Variants in MTMR7 observed in about 807,000 individuals in gnomAD.
MTMR7 encodes the protein phosphatidylinositol-3-phosphate phosphatase MTMR7.
Under a neutral mutation model 81.2 loss-of-function variants are expected in MTMR7, and 76 were observed. That is an observed-to-expected ratio of 0.94 (90% confidence interval 0.78 to 1.13). MTMR7 has a LOEUF of 1.13. MTMR7 is among the 50% of genes most tolerant of loss of function. The pLI is 0.00. For synonymous variants in MTMR7, 372 were observed against 289.8 expected (o/e 1.28, Z -2.88); for missense variants, 1,044 against 820.0 (o/e 1.27, Z -3.34).
intron 7 of MTMR7, among the ~76,000 whole-genome samples, chr8:17,325,319 C>G (rs1186118377): frequency 6.6e-6 from 1 of 152,158 alleles, no homozygotes. Context: ...TGCTCTGCCT[C>G]CAACCATCCT....
chr8:17,383,106 G>A (rs1820813807), intron 1 of MTMR7, among the ~76,000 whole-genome samples: 1 of 151,994 alleles, frequency 6.6e-6, no homozygotes, highest in Admixed American at 6.6e-5. Flanking sequence ...AGGTCCCAGG[G>A]AAGGGAGCCG....
chr8:17,373,727 G>A (rs192158504), intron 1 of MTMR7, among the ~76,000 whole-genome samples: 2 of 152,116 alleles, frequency 1.3e-5, no homozygotes, highest in Non-Finnish European at 2.9e-5. Context: ...ACATACATAC[G>A]GGAGAAAAAA....
In MTMR7 at chr8:17,341,446, G is replaced by T. The variant is rs774508309; in HGVS notation, c.649C>A (p.Leu217Ile). The T allele has an allele frequency of 6.2e-7, 1 of 1,614,004 alleles. No homozygotes were observed. The highest frequency in any genetic ancestry group is 1.3e-5 in the African/African-American group (1 of 74,922). Residue 217 changes from leucine (L) to isoleucine (I), a missense_variant, in exon 6 of 14, where the codon CTA becomes ATA. Transcript: ENST00000180173. ...GCCTGGAGCATCTGCTCGTCCTCTA[G>T]GCACCGGGCACTGAAGCCGGACAGG... ...QPLSGFSARCLEDEQMLQAIR... is the reference protein window; with the variant it reads ...QPLSGFSARCIEDEQMLQAIR...
At chr8:17,367,344 G>A (rs1167082175) in intron 3 of MTMR7, among the ~76,000 whole-genome samples, 2 of 152,162 alleles carry the variant, frequency 1.3e-5, no homozygotes, top group Admixed American at 1.3e-4. Context: ...AAAATAAACA[G>A]CAGGAGGCAA....
At chr8:17,323,799 C>G (rs181432786) in intron 7 of MTMR7, among the ~76,000 whole-genome samples, 2 of 152,270 alleles carry the variant, frequency 1.3e-5, no homozygotes, top group East Asian at 3.9e-4. Context: ...CCTTTTATCA[C>G]TAACATTAGC....
intron 1 of MTMR7, among the ~76,000 whole-genome samples, chr8:17,394,264 T>C (rs1821186012): frequency 6.6e-6 from 1 of 152,238 alleles, no homozygotes; most frequent in African/African-American, 2.4e-5. Flanking sequence ...ATAGCAGCAC[T>C]ATTCCCAATA....
At chr8:17,393,645 C>T (rs997924047) in intron 1 of MTMR7, among the ~76,000 whole-genome samples, 3 of 151,994 alleles carry the variant, frequency 2.0e-5, no homozygotes, top group Non-Finnish European at 4.4e-5. Context: ...GGAAGCTGAA[C>T]GATGAGAACA....
At chr8:17,345,454 G>A (rs1021007416) in intron 5 of MTMR7, among the ~76,000 whole-genome samples, 3 of 152,196 alleles carry the variant, frequency 2.0e-5, no homozygotes, top group African/African-American at 7.2e-5. Flanking sequence ...GCTCCTCAGC[G>A]CAACCTCATG....
At chr8:17,309,579 C>T (rs1205620748) in intron 9 of MTMR7, among the ~76,000 whole-genome samples, 2 of 152,148 alleles carry the variant, frequency 1.3e-5, no homozygotes, top group Admixed American at 6.5e-5. Flanking sequence ...TGAATGCTTC[C>T]TATGTGCCAG....
chr8:17,386,784 G>A (rs1820956003), intron 1 of MTMR7, among the ~76,000 whole-genome samples: 1 of 152,210 alleles, frequency 6.6e-6, no homozygotes, highest in Non-Finnish European at 1.5e-5. Flanking sequence ...CATTCAGTGT[G>A]GTCATGAAAT....
intron 6 of MTMR7, among the ~76,000 whole-genome samples, chr8:17,340,818 T>C (rs980646803): frequency 6.6e-5 from 10 of 152,174 alleles, no homozygotes; most frequent in Non-Finnish European, 1.5e-4. Context: ...ATTTTTAGAG[T>C]TCAGGGTTTA....
intron 3 of MTMR7, among the ~76,000 whole-genome samples, chr8:17,362,209 T>C (rs1472966458): frequency 6.6e-6 from 1 of 152,230 alleles, no homozygotes; most frequent in Non-Finnish European, 1.5e-5. Flanking sequence ...AAAATCATTA[T>C]CACTTCAACA....
chr8:17,348,669 G>A (rs369645287), intron 5 of MTMR7, among the ~76,000 whole-genome samples: 4 of 152,086 alleles, frequency 2.6e-5, no homozygotes, highest in Admixed American at 6.5e-5. Flanking sequence ...TTCCCAAGGT[G>A]CCCACTTAGG....
Position 17,328,043 on chromosome 8 carries a change from G to A in MTMR7, c.865+3107C>T, listed in dbSNP as rs556547632. Among the ~76,000 whole-genome samples, 5 of 152,306 alleles carry A rather than the reference G, an allele frequency of 3.3e-5. No individual in the cohort carries two copies. In the South Asian group the frequency reaches 1.0e-3, roughly 32 times the overall value. ...GAATACATTGATGAATAAGTGGTCA[G>A]TGAAACAATGACCAACAGTATTAAT... On this transcript the variant is annotated intron_variant, in intron 7 of 13. Coordinates refer to ENST00000180173, the MANE Select transcript of MTMR7 (RefSeq NM_004686.5).
chr8:17,385,394 G>A (rs1585112680), intron 1 of MTMR7, among the ~76,000 whole-genome samples: 1 of 152,196 alleles, frequency 6.6e-6, no homozygotes, highest in Non-Finnish European at 1.5e-5. Context: ...GAATCATGGG[G>A]CTGGGTCATT....
At chr8:17,380,887 A>G (rs1820736679) in intron 1 of MTMR7, among the ~76,000 whole-genome samples, 1 of 152,210 alleles carries the variant, frequency 6.6e-6, no homozygotes, top group Non-Finnish European at 1.5e-5. Flanking sequence ...ATATTCACAA[A>G]CCACTATCAC....
intron 1 of MTMR7, among the ~76,000 whole-genome samples, chr8:17,378,058 G>C (rs12542379): frequency 0.13 from 20,115 of 152,180 alleles, 1,469 homozygotes; most frequent in African/African-American, 0.2. Flanking sequence ...CAGTGGAGCA[G>C]AATAAGGTAT....
intron 6 of MTMR7, among the ~76,000 whole-genome samples, chr8:17,335,498 A>G (rs772535107): frequency 1.3e-5 from 2 of 152,180 alleles, no homozygotes; most frequent in Non-Finnish European, 2.9e-5. Flanking sequence ...CCTCAAGTCT[A>G]CCATTTCCAC....
intron 7 of MTMR7, among the ~76,000 whole-genome samples, 182 bp downstream of exon 7, chr8:17,330,968 T>C (rs1818969467): frequency 6.6e-6 from 1 of 152,178 alleles, no homozygotes. Context: ...CAAAACCACA[T>C]CACAGTGATG....
Sources: gnomAD v4.1 joint callset for allele counts (sites outside exome capture counted in the v4.1 genomes callset) on GRCh38, gnomAD v4.1.1 for gene constraint, MANE v1.5 for transcripts, NCBI Gene and HGNC (gene_info 2026-07-23, HGNC 2026-07-21) for gene names.